ADGRG3: variants seen among roughly 807,000 people sequenced by gnomAD.
The protein encoded by ADGRG3 is adhesion G protein-coupled receptor G3, also known as G protein-coupled receptor 97.
Under a neutral mutation model 54.3 loss-of-function variants are expected in ADGRG3, and 39 were observed. That is an observed-to-expected ratio of 0.72 (90% CI 0.56 to 0.94). ADGRG3 has a LOEUF of 0.94. ADGRG3 is among the 40% of genes least tolerant of loss of function. ADGRG3 has a pLI of 0.00. For missense variants in ADGRG3, 654 were observed against 694.6 expected (o/e 0.94, Z 0.66); for synonymous variants, 312 against 290.0 (o/e 1.08, Z -0.77).
rs774240704 is a variant in ADGRG3, at chr16:57,678,310, C to T, written c.486C>T (p.Leu162=). The change falls in exon 4 of 12, where the codon CTC becomes CTT. Residue 162 remains leucine (L), a synonymous_variant. Transcript: ENST00000333493. ...TTCTGGACATTGGTCCAGGGACTCT[C>T]TTCAAGGTGAGGACTCAGGGAAGCT... The part of the protein sequence containing the change: ...VTILDIGPGT[L]FKGPRLGLGD... The T allele has an allele frequency of 1.4e-5, 23 of 1,614,064 alleles. No individual in the cohort carries two copies. Among genetic ancestry groups the T allele is most frequent in the Non-Finnish European group, 1.9e-5 (22 of 1,180,002 alleles).
rs766569769 is a variant in ADGRG3, at chr16:57,676,339, G to T, written c.345+1G>T. 1 of 1,613,882 alleles carries T rather than the reference G, an allele frequency of 6.2e-7. No homozygotes were observed. Among genetic ancestry groups the T allele is most frequent in the African/African-American group, 1.3e-5 (1 of 75,028 alleles). On this transcript the variant is annotated splice_donor_variant, in intron 3 of 11. Coordinates refer to ENST00000333493, the MANE Select transcript of ADGRG3 (RefSeq NM_170776.5). LOFTEE classifies it high-confidence loss of function. ...CTATTTCTCTCTGGAGCCCTCTCAG[G>T]TGAAGAGCTCCCCAGCCCTCTTGGC...
upstream of ADGRG3, among the ~76,000 whole-genome samples, chr16:57,667,909 A>C (rs1479143179): frequency 6.6e-6 from 1 of 152,186 alleles, no homozygotes; most frequent in Non-Finnish European, 1.5e-5. Flanking sequence ...TGCCATCTTC[A>C]CTTTACAGAG....
rs554527511 is a variant in ADGRG3 at position 57,676,309 on chromosome 16, G to A, written c.316G>A (p.Asp106Asn). Residue 106 changes from aspartate to asparagine, a missense_variant, in exon 3 of 12, where the codon GAC becomes AAC. Transcript: ENST00000333493. ...VQNLSTNTAE[D>N]FYFSLEPSQV... ...GAACCTCAGCACCAACACTGCAGAA[G>A]ACTTCTATTTCTCTCTGGAGCCCTC... The A allele has an allele frequency of 3.7e-6, 6 of 1,614,196 alleles. No individual in the cohort carries two copies. The South Asian group carries it at 5.5e-5, about 15-fold the overall frequency.
chr16:57,683,660 A>G (rs1191386075), intron 8 of ADGRG3, among the ~76,000 whole-genome samples: 1 of 151,954 alleles, frequency 6.6e-6, no homozygotes, highest in Non-Finnish European at 1.5e-5. Context: ...TTCTGGCCTC[A>G]TTTTCCCTAT....
chr16:57,677,343 G>C (rs550419397), intron 3 of ADGRG3, among the ~76,000 whole-genome samples: 1 of 152,336 alleles, frequency 6.6e-6, no homozygotes, highest in East Asian at 1.9e-4. Flanking sequence ...AGCACTTTGG[G>C]AGGCCAAGGC....
rs1431627195 is a variant in ADGRG3 at position 57,680,524 on chromosome 16, C to T, written c.788C>T (p.Ser263Phe). Reference sequence around the variant, plus strand: ...CCACAGAGACCCACCTTGGACCAGTCCACGGTGCATATCCTCACACGCATC... The same window carrying T: ...CCACAGAGACCCACCTTGGACCAGTTCACGGTGCATATCCTCACACGCATC... Reference protein sequence around the residue: ...ALLLRPTLDQSTVHILTRISQ... With the variant: ...ALLLRPTLDQFTVHILTRISQ... The change falls in exon 8 of 12, where the codon TCC becomes TTC. Residue 263 changes from serine (S) to phenylalanine (F), a missense_variant. Physicochemically the swap from Ser to Phe is radical, Grantham distance 155. Coordinates refer to ENST00000333493, the MANE Select transcript of ADGRG3 (RefSeq NM_170776.5). 1 of 1,613,826 alleles carries T rather than the reference C, an allele frequency of 6.2e-7. No individual in the cohort carries two copies. The highest frequency in any genetic ancestry group is 8.5e-7 in the Non-Finnish European group (1 of 1,179,834).
chr16:57,674,107 C>G (rs1400512642), intron 2 of ADGRG3, among the ~76,000 whole-genome samples: 1 of 152,036 alleles, frequency 6.6e-6, no homozygotes, highest in East Asian at 1.9e-4. Flanking sequence ...GTATAGTCAA[C>G]TCTGCGTTTT....
intron 2 of ADGRG3, among the ~76,000 whole-genome samples, chr16:57,675,012 A>AAAAAGCAGC (rs35561154): frequency 1.7e-3 from 200 of 115,444 alleles, no homozygotes; most frequent in African/African-American, 2.2e-3. Context: ...AAAAAAAAAA[A>AAAAAGCAGC]AGCAGCAGCA....
At position 57,676,127 on chromosome 16, in the gene ADGRG3, A is replaced by T. The variant is rs577513972; in HGVS notation, c.207-73A>T. On this transcript the variant is annotated intron_variant, in intron 2 of 11. Transcript: ENST00000333493. The stretch of plus-strand genomic sequence containing the variant: ...TTTGATAGTTTGGGTCAGCCCTCTC[A>T]CCCCAGGAGCCTGATGAGTGAGTAA... 2.7e-4 allele frequency: 384 copies of T among 1,445,026 alleles called. 7 individuals carry two copies. The South Asian group carries it at 3.9e-3, about 15-fold the overall frequency. 89.5% of individuals were successfully genotyped at this position (1,445,026 alleles called of 1,614,324 possible).
chr16:57,680,818 G>T (rs2048354317), intron 8 of ADGRG3, among the ~76,000 whole-genome samples: 1 of 152,190 alleles, frequency 6.6e-6, no homozygotes, highest in South Asian at 2.1e-4. Flanking sequence ...ACTCAAATTG[G>T]CTTAAACATA....
In ADGRG3 at chr16:57,679,866, G is replaced by A. The variant is rs1429555049; in HGVS notation, c.667+11G>A. On this transcript the variant is annotated intron_variant, in intron 6 of 11. Transcript: ENST00000333493. ...GGGATGTGACTAAAGGTAGGGCCCGGAGGACCTTCTCTGGGGTAAGACAGG... is the reference window on the plus strand; with the variant it reads ...GGGATGTGACTAAAGGTAGGGCCCGAAGGACCTTCTCTGGGGTAAGACAGG... 1 of 1,606,988 alleles carries A rather than the reference G, an allele frequency of 6.2e-7. No homozygotes were observed. The highest frequency in any genetic ancestry group is 8.5e-7 in the Non-Finnish European group (1 of 1,173,642).
chr16:57,676,439 C>A, intron 3 of ADGRG3, 101 bp downstream of exon 3: 1 of 1,097,546 alleles, frequency 9.1e-7, no homozygotes, highest in Non-Finnish European at 1.3e-6. Flanking sequence ...ATAACTAGGG[C>A]TTGTCCCTCC....
At chr16:57,686,117 G>C (rs1207832474) in intron 11 of ADGRG3, among the ~76,000 whole-genome samples, 191 bp downstream of exon 11, 10 of 152,152 alleles carry the variant, frequency 6.6e-5, no homozygotes, top group Non-Finnish European at 1.3e-4. Flanking sequence ...GTCCGTTTGT[G>C]TTACTAGAAT....
chr16:57,669,443 G>A (rs141413336), intron 1 of ADGRG3, among the ~76,000 whole-genome samples: 25 of 152,286 alleles, frequency 1.6e-4, no homozygotes, highest in African/African-American at 6.0e-4. Flanking sequence ...CTTGATAGAT[G>A]AATGAACGGA....
At chr16:57,667,039 C>T (rs1324816210), upstream of ADGRG3, among the ~76,000 whole-genome samples, 2 of 152,256 alleles carry the variant, frequency 1.3e-5, no homozygotes, top group Non-Finnish European at 2.9e-5. Flanking sequence ...CTTCGCAGCC[C>T]TCCCTGCAGA....
intron 1 of ADGRG3, among the ~76,000 whole-genome samples, chr16:57,669,704 A>C (rs1373917216): frequency 6.6e-6 from 1 of 152,164 alleles, no homozygotes; most frequent in Non-Finnish European, 1.5e-5. Flanking sequence ...GCATTCATTC[A>C]TTCATTCATT....
chr16:57,681,836 C>T (rs541581468), intron 8 of ADGRG3, among the ~76,000 whole-genome samples: 2 of 151,934 alleles, frequency 1.3e-5, no homozygotes, highest in South Asian at 4.2e-4. Context: ...TTAAGTCCTT[C>T]TGCGTATGGG....
At chr16:57,688,115 T>C (rs534210436) in intron 11 of ADGRG3, among the ~76,000 whole-genome samples, 7 of 152,372 alleles carry the variant, frequency 4.6e-5, no homozygotes, top group Middle Eastern at 3.4e-3. Flanking sequence ...TTCTTTTCTG[T>C]AATAGGCATA....
intron 2 of ADGRG3, chr16:57,674,614 C>A (rs1466525715): frequency 2.2e-6 from 1 of 454,920 alleles, no homozygotes; most frequent in South Asian, 1.6e-5. Flanking sequence ...CTTAGCACCC[C>A]AGAGCTGTTC....
Sources: gnomAD v4.1 joint callset for allele counts (sites outside exome capture counted in the v4.1 genomes callset) on GRCh38, gnomAD v4.1.1 for gene constraint, MANE v1.5 for transcripts, NCBI Gene and HGNC (gene_info 2026-07-23, HGNC 2026-07-21) for gene names.